TMEM163: variants seen among roughly 807,000 people sequenced by gnomAD.
TMEM163 encodes the protein transmembrane protein 163.
Under a neutral mutation model 29.3 loss-of-function variants are expected in TMEM163, and 17 were observed. That is an observed-to-expected ratio of 0.58 (90% confidence interval 0.40 to 0.87). The LOEUF (loss-of-function observed/expected upper bound fraction) is 0.87. Ranked by LOEUF, TMEM163 falls within the 40% of genes least tolerant of loss-of-function variation. The pLI, the probability that TMEM163 is intolerant of heterozygous loss-of-function variation, is 0.00. For missense variants in TMEM163, 303 were observed against 381.5 expected, an observed-to-expected ratio of 0.79 and a Z score of 1.71; for synonymous variants, 157 against 160.6, an observed-to-expected ratio of 0.98 and a Z score of 0.17.
chr2:134,573,026 G>A (rs1005984159), intron 2 of TMEM163, among the ~76,000 whole-genome samples: 9 of 152,146 alleles, frequency 5.9e-5, no homozygotes, highest in African/African-American at 1.9e-4. Context: ...ACTGGCTACC[G>A]AGGGATCTCC....
Position 134,564,038 on chromosome 2 carries a change from G to A in TMEM163, c.323-11947C>T, listed in dbSNP as rs192050940. On this transcript the variant is annotated intron_variant, in intron 2 of 7. Coordinates refer to ENST00000281924, the MANE Select transcript of TMEM163 (RefSeq NM_030923.5). Reference sequence around the variant, plus strand: ...TACACTCCAGCCTGGGTGACAGAGCGAGACTCCACTGCGGCAGCAGTGGCG... The same window carrying A: ...TACACTCCAGCCTGGGTGACAGAGCAAGACTCCACTGCGGCAGCAGTGGCG... Among the ~76,000 whole-genome samples, 89 of 152,214 alleles carry A rather than the reference G, an allele frequency of 5.8e-4. 1 individual carries two copies. In the East Asian group the frequency reaches 0.014, roughly 24 times the overall value.
At chr2:134,538,625 A>C (rs539495221) in intron 4 of TMEM163, among the ~76,000 whole-genome samples, 2 of 101,064 alleles carry the variant, frequency 2.0e-5, no homozygotes, top group Non-Finnish European at 2.1e-5. Context: ...ATGATGCCAC[A>C]ATAGAAATGG....
At chr2:134,579,623 G>C (rs1445050326) in intron 2 of TMEM163, among the ~76,000 whole-genome samples, 3 of 152,134 alleles carry the variant, frequency 2.0e-5, no homozygotes, top group Admixed American at 6.5e-5. Context: ...TGAACAGGGT[G>C]AATGCTCTCC....
intron 5 of TMEM163, among the ~76,000 whole-genome samples, chr2:134,492,698 G>A (rs1378229870): frequency 1.3e-5 from 2 of 152,116 alleles, no homozygotes; most frequent in African/African-American, 2.4e-5. Context: ...GTCTACCACC[G>A]AGCAGTCTTC....
chr2:134,547,005 A>G (rs75398062), intron 4 of TMEM163, among the ~76,000 whole-genome samples: 1 of 152,148 alleles, frequency 6.6e-6, no homozygotes, highest in Non-Finnish European at 1.5e-5. Context: ...ATAGAAACAG[A>G]AAGTACAATG....
At chr2:134,637,183 C>A (rs1215815210) in intron 2 of TMEM163, among the ~76,000 whole-genome samples, 2 of 143,648 alleles carry the variant, frequency 1.4e-5, no homozygotes, top group Admixed American at 7.0e-5. Flanking sequence ...GAAAAATCAT[C>A]CAATTCCCCA....
chr2:134,545,067 C>T (rs961869783), intron 4 of TMEM163, among the ~76,000 whole-genome samples: 5 of 152,178 alleles, frequency 3.3e-5, no homozygotes, highest in African/African-American at 1.2e-4. Flanking sequence ...ATGCAAACCT[C>T]TTTTGTTAAA....
chr2:134,487,728 T>A (rs1679344579), intron 5 of TMEM163, among the ~76,000 whole-genome samples: 1 of 152,200 alleles, frequency 6.6e-6, no homozygotes, highest in South Asian at 2.1e-4. Flanking sequence ...CAGGGACAGC[T>A]GTGCACCTAT....
At chr2:134,669,808 A>G (rs1384824744) in intron 2 of TMEM163, among the ~76,000 whole-genome samples, 3 of 152,208 alleles carry the variant, frequency 2.0e-5, no homozygotes, top group African/African-American at 7.2e-5. Context: ...TGGCAACTGC[A>G]AGGCCACCAT....
At chr2:134,563,765 C>T (rs1681233446) in intron 2 of TMEM163, among the ~76,000 whole-genome samples, 1 of 152,098 alleles carries the variant, frequency 6.6e-6, no homozygotes, top group South Asian at 2.1e-4. Flanking sequence ...TCAGGAATAG[C>T]CAAGACAGGC....
At chr2:134,694,660 A>G (rs949072597) in intron 2 of TMEM163, among the ~76,000 whole-genome samples, 6 of 152,196 alleles carry the variant, frequency 3.9e-5, no homozygotes, top group Non-Finnish European at 5.9e-5. Flanking sequence ...ATAAATATCT[A>G]TTCAGTTCTG....
chr2:134,483,916 G>C (rs919934593), intron 5 of TMEM163, among the ~76,000 whole-genome samples: 1 of 152,186 alleles, frequency 6.6e-6, no homozygotes, highest in Non-Finnish European at 1.5e-5. Context: ...GGCCAAGGTG[G>C]GTGGATCACC....
rs182537290 is a variant in TMEM163, at chr2:134,499,209, C to T, written c.555+3692G>A. On this transcript the variant is annotated intron_variant, in intron 5 of 7. Transcript: ENST00000281924. ...AATAACTAAATAAAAAAGATGCAGT[C>T]GGGGAGGCAGAGGGTCAGTAGTGTC... Among the ~76,000 whole-genome samples the T allele has an allele frequency of 8.1e-3, 1,240 of 152,262 alleles. 20 individuals are homozygous for T. The highest frequency in any genetic ancestry group is 0.045 in the South Asian group (215 of 4,828).
chr2:134,555,686 CT>C (rs1407790406), intron 2 of TMEM163, among the ~76,000 whole-genome samples: 1 of 152,190 alleles, frequency 6.6e-6, no homozygotes, highest in Non-Finnish European at 1.5e-5. Flanking sequence ...AAAATGCATG[CT>C]TAGGATGCAG....
chr2:134,666,585 C>G (rs772222701), intron 2 of TMEM163, among the ~76,000 whole-genome samples: 14 of 152,196 alleles, frequency 9.2e-5, no homozygotes, highest in Non-Finnish European at 1.8e-4. Flanking sequence ...ATAAGCCTGG[C>G]TATCCCTCTT....
intron 5 of TMEM163, chr2:134,468,198 GTGGGGCCTC>G (rs1443503340): frequency 6.6e-6 from 1 of 152,278 alleles, no homozygotes; most frequent in Non-Finnish European, 1.5e-5. Context: ...GTATGAGGAG[GTGGGGCCTC>G]TGGGAGGTGA....
At chr2:134,697,608 G>A (rs1408578351) in intron 2 of TMEM163, among the ~76,000 whole-genome samples, 1 of 151,910 alleles carries the variant, frequency 6.6e-6, no homozygotes, top group Non-Finnish European at 1.5e-5. Flanking sequence ...GGGATTACAG[G>A]TGCCTGCCAC....
chr2:134,456,745 G>A lies in TMEM163; in HGVS notation c.841C>T (p.Gln281Ter). The A allele has an allele frequency of 6.2e-7, 1 of 1,614,044 alleles. No homozygotes were observed. The highest frequency in any genetic ancestry group is 2.2e-5 in the East Asian group (1 of 44,878). ...TCAAACATCTCGTAGTGACGTGTCT[G>A]CCTCACCCTCGGCACCATGTCGATG... ...LLIDMVPRVR[Q>*]TRHYEMFE Residue 281 changes from glutamine (Q) to a stop codon, truncating the protein, a stop_gained, in exon 8 of 8, where the codon CAG becomes TAG. Coordinates refer to ENST00000281924, the MANE Select transcript of TMEM163 (RefSeq NM_030923.5). LOFTEE classifies it high-confidence loss of function.
At chr2:134,617,098 G>A (rs1035150561) in intron 2 of TMEM163, among the ~76,000 whole-genome samples, 1 of 152,004 alleles carries the variant, frequency 6.6e-6, no homozygotes, top group South Asian at 2.1e-4. Flanking sequence ...ATGGCATAAG[G>A]TTATATAAGC....
Sources: gnomAD v4.1 joint callset for allele counts (sites outside exome capture counted in the v4.1 genomes callset) on GRCh38, gnomAD v4.1.1 for gene constraint, MANE v1.5 for transcripts, NCBI Gene and HGNC (gene_info 2026-07-23, HGNC 2026-07-21) for gene names.